The following HSF2 variants were observed in gnomAD, a reference collection of about 807,000 sequenced individuals.
HSF2 encodes the protein heat shock factor protein 2.
In HSF2, 21 loss-of-function variants were observed where a neutral mutation model predicts 65.0. The observed-to-expected ratio is 0.32, with a 90% CI of 0.23 to 0.47. HSF2 has a LOEUF of 0.47. HSF2 is among the 20% of genes least tolerant of loss of function. The pLI is 1.00. For synonymous variants in HSF2, 225 were observed against 219.1 expected (o/e 1.03, Z -0.24); for missense variants, 499 against 628.1 (o/e 0.79, Z 2.20).
intron 1 of HSF2, among the ~76,000 whole-genome samples, chr6:122,405,792 T>C (rs981565378): frequency 2.6e-5 from 4 of 152,238 alleles, no homozygotes; most frequent in Admixed American, 2.6e-4. Flanking sequence ...GGTAGAGTTA[T>C]GATGTTATAA....
In HSF2 at chr6:122,399,671, C is replaced by A. The variant is rs373850467; in HGVS notation, c.-67C>A. The A allele has an allele frequency of 1.5e-6, 2 of 1,355,472 alleles. No individual in the cohort carries two copies. The highest frequency in any genetic ancestry group is 2.4e-5 in the South Asian group (2 of 83,288). The allele number at this position is 1,355,472 out of a possible 1,614,324, so 84.0% of individuals were successfully genotyped here. A position where few individuals can be genotyped will look rare whatever the true frequency, so the allele number is the denominator to read the frequency against. The stretch of plus-strand genomic sequence containing the variant: ...GTGGGCGTTCTCGGGGAGCTGCTGC[C>A]GTAGCTGCCGCCGCCGCTACCACCG... On this transcript the variant is annotated 5_prime_UTR_variant, in exon 1 of 13. Transcript: ENST00000368455.
In HSF2 at chr6:122,399,697, C is replaced by T; in HGVS notation, c.-41C>T. On this transcript the variant is annotated 5_prime_UTR_variant, in exon 1 of 13. Coordinates refer to ENST00000368455, the MANE Select transcript of HSF2 (RefSeq NM_004506.4). ...GTAGCTGCCGCCGCCGCTACCACCG[C>T]GTTCGGGTGTAGAATTTGGAATCCC... The T allele has an allele frequency of 6.4e-7, 1 of 1,558,494 alleles. No individual in the cohort carries two copies. Among genetic ancestry groups the T allele is most frequent in the Non-Finnish European group, 8.8e-7 (1 of 1,136,450 alleles).
At chr6:122,412,894 G>T in intron 3 of HSF2, 130 bp downstream of exon 3, 1 of 781,080 alleles carries the variant, frequency 1.3e-6, no homozygotes, top group South Asian at 3.6e-5. Flanking sequence ...GGATAATAAA[G>T]TTTTACTTGT....
In HSF2 at chr6:122,399,657, C is replaced by A; in HGVS notation, c.-81C>A. 1.0e-6 allele frequency: 1 copy of A among 992,702 alleles called. No homozygotes were observed. The highest frequency in any genetic ancestry group is 1.4e-5 in the South Asian group (1 of 71,788). The allele number at this position is 992,702 out of a possible 1,614,324, so 61.5% of individuals were successfully genotyped here. A position where few individuals can be genotyped will look rare whatever the true frequency, so the allele number is the denominator to read the frequency against. ...GCTGCGCCTGCGTTGTGGGCGTTCT[C>A]GGGGAGCTGCTGCCGTAGCTGCCGC... On this transcript the variant is annotated 5_prime_UTR_variant, in exon 1 of 13. Coordinates refer to ENST00000368455, the MANE Select transcript of HSF2 (RefSeq NM_004506.4).
Position 122,422,862 on chromosome 6 carries a change from T to A in HSF2, c.975T>A (p.Ser325Arg). ...GSDGSSPLMS[S>R]AVQLNGSSSL... ...ATGGCAGCAGCCCTCTCATGTCTAGTGCTGTCCAGCTAAATGGCTCATCCA... is the reference window on the plus strand; with the variant it reads ...ATGGCAGCAGCCCTCTCATGTCTAGAGCTGTCCAGCTAAATGGCTCATCCA... Residue 325 changes from serine to arginine, a missense_variant, in exon 9 of 13, where the codon AGT (serine) becomes AGA (arginine). Physicochemically the swap from Ser to Arg is moderately radical, Grantham distance 110. Around this residue, in one of 2 missense-constraint regions of HSF2, gnomAD observed 349 missense variants for 393.5 expected, o/e 0.89. Coordinates refer to ENST00000368455, the MANE Select transcript of HSF2 (RefSeq NM_004506.4). The A allele has an allele frequency of 6.2e-7, 1 of 1,613,748 alleles. No individual in the cohort carries two copies. Among genetic ancestry groups the A allele is most frequent in the Non-Finnish European group, 8.5e-7 (1 of 1,179,794 alleles).
In HSF2 at chr6:122,412,695, T is replaced by C; in HGVS notation, c.261T>C (p.Gly87=). ...GAATTGTAAAGCAAGAAAGAGATGGTCCTGTAGAATTTCAGCATCCTTACT... is the reference window on the plus strand; with the variant it reads ...GAATTGTAAAGCAAGAAAGAGATGGCCCTGTAGAATTTCAGCATCCTTACT... ...DSGIVKQERD[G]PVEFQHPYFK... is the part of the protein sequence containing the mutation. The change falls in exon 3 of 13, where the codon GGT becomes GGC. Residue 87 remains glycine (G), a synonymous_variant. Coordinates refer to ENST00000368455, the MANE Select transcript of HSF2 (RefSeq NM_004506.4). The C allele has an allele frequency of 6.2e-7, 1 of 1,612,400 alleles. No individual in the cohort carries two copies. The highest frequency in any genetic ancestry group is 8.5e-7 in the Non-Finnish European group (1 of 1,178,556).
chr6:122,414,769 G>A (rs1223779813), intron 4 of HSF2, among the ~76,000 whole-genome samples: 2 of 152,062 alleles, frequency 1.3e-5, no homozygotes, highest in African/African-American at 4.8e-5. Context: ...GGGATTACAG[G>A]CATGTGCCAG....
intron 8 of HSF2, 31 bp from the exon 9 acceptor site, chr6:122,422,682 AAATGT>A: frequency 6.2e-7 from 1 of 1,604,582 alleles, no homozygotes; most frequent in African/African-American, 1.3e-5. Context: ...TTAAATTTGA[AAATGT>A]AATAGGTTCC....
rs541822873 is a variant in HSF2 at position 122,404,041 on chromosome 6, T to C, written c.93+4211T>C. On this transcript the variant is annotated intron_variant, in intron 1 of 12. Coordinates refer to ENST00000368455, the MANE Select transcript of HSF2 (RefSeq NM_004506.4). ...TTTTGTCAGTGTTGTTACCTTTGTCTCTGTTCTTCAGATTGTTTGAGAAAA... is the reference window on the plus strand; with the variant it reads ...TTTTGTCAGTGTTGTTACCTTTGTCCCTGTTCTTCAGATTGTTTGAGAAAA... Among the ~76,000 whole-genome samples, 4 of 152,314 alleles carry C rather than the reference T, an allele frequency of 2.6e-5. No homozygotes were observed. The East Asian group carries it at 5.8e-4, about 22-fold the overall frequency.
chr6:122,415,941 C>A (rs1369644484), intron 4 of HSF2, among the ~76,000 whole-genome samples: 5 of 152,094 alleles, frequency 3.3e-5, no homozygotes, highest in African/African-American at 1.2e-4. Context: ...TGCTTGAACC[C>A]TGGAGGTGAA....
intron 1 of HSF2, among the ~76,000 whole-genome samples, chr6:122,403,198 A>T (rs1401519394): frequency 1.3e-5 from 2 of 152,210 alleles, no homozygotes. Flanking sequence ...AAGGGAAATA[A>T]TACCTCTCAC....
chr6:122,412,819 C>G, intron 3 of HSF2, 55 bp downstream of exon 3: 1 of 1,533,014 alleles, frequency 6.5e-7, no homozygotes, highest in Non-Finnish European at 8.9e-7. Context: ...TGTGCTTGGC[C>G]AAGATTTTTA....
intron 11 of HSF2, 61 bp from the exon 12 acceptor site, chr6:122,431,369 C>T: frequency 1.3e-6 from 1 of 764,086 alleles, no homozygotes; most frequent in Non-Finnish European, 1.9e-6. Context: ...ATCAATTTTT[C>T]ATTTTTTTCA....
intron 7 of HSF2, among the ~76,000 whole-genome samples, chr6:122,420,786 A>G (rs1367554241): frequency 8.2e-6 from 1 of 121,232 alleles, no homozygotes; most frequent in Non-Finnish European, 1.6e-5. Context: ...ATCTTGGCTC[A>G]CTGCAGCCTC....
intron 11 of HSF2, 49 bp downstream of exon 11, chr6:122,428,005 A>G: frequency 1.6e-6 from 2 of 1,261,380 alleles, no homozygotes; most frequent in Non-Finnish European, 2.3e-6. Flanking sequence ...AAAAATCTAC[A>G]AAAACGTCCT....
rs527755331 is a variant in HSF2, at chr6:122,401,343, G to A, written c.93+1513G>A. 5.9e-5 allele frequency among the ~76,000 whole-genome samples: 9 copies of A among 152,300 alleles called. 1 individual carries two copies. The South Asian group carries it at 6.2e-4, about 11-fold the overall frequency. ...TCAGTACAGACTGTTACTCAGACAC[G>A]TATTCGTGTTAGAGATTGGACTGAG... On this transcript the variant is annotated intron_variant, in intron 1 of 12. Coordinates refer to ENST00000368455, the MANE Select transcript of HSF2 (RefSeq NM_004506.4).
chr6:122,413,703 T>C, intron 4 of HSF2, 54 bp downstream of exon 4: 1 of 1,449,454 alleles, frequency 6.9e-7, no homozygotes, highest in South Asian at 1.2e-5. Context: ...TATGTGTCTA[T>C]GTGTGTTGAG....
In HSF2 at chr6:122,422,247, A is replaced by C; in HGVS notation, c.779A>C (p.Asn260Thr). 6.2e-7 allele frequency: 1 copy of C among 1,600,680 alleles called. No individual in the cohort carries two copies. Among genetic ancestry groups the C allele is most frequent in the East Asian group, 2.2e-5 (1 of 44,740 alleles). ...ACTGATGATAATGCAGATGAAGAAAATATCCCAGTTATTCCAGAAACTAAT... is the reference window on the plus strand; with the variant it reads ...ACTGATGATAATGCAGATGAAGAAACTATCCCAGTTATTCCAGAAACTAAT... ...DVTDDNADEE[N>T]IPVIPETNED... is the part of the protein sequence containing the mutation. The change falls in exon 8 of 13, where the codon AAT becomes ACT. Residue 260 changes from asparagine to threonine, a missense_variant. Asn to Thr is a moderately conservative substitution (Grantham distance 65, BLOSUM62 0). Around this residue, in one of 2 missense-constraint regions of HSF2, gnomAD observed 349 missense variants for 393.5 expected, o/e 0.89. Transcript: ENST00000368455.
At chr6:122,415,982 A>T (rs959336101) in intron 4 of HSF2, among the ~76,000 whole-genome samples, 1 of 152,202 alleles carries the variant, frequency 6.6e-6, no homozygotes, top group African/African-American at 2.4e-5. Flanking sequence ...GTACCACTGC[A>T]CTTCAGCCTG....
Sources: allele counts gnomAD v4.1 joint callset (sites outside exome capture counted in the v4.1 genomes callset), GRCh38; gene constraint gnomAD v4.1.1; regional missense constraint gnomAD v4.1.1; transcripts MANE v1.5; gene names NCBI Gene and HGNC (gene_info 2026-07-23, HGNC 2026-07-21).